RGS7: variants seen among roughly 807,000 people sequenced by gnomAD.
The protein encoded by RGS7 is regulator of G protein signaling 7.
Under a neutral mutation model 81.1 loss-of-function variants are expected in RGS7, and 27 were observed. The ratio of observed to expected loss-of-function variants is 0.33; its 90% CI spans 0.25 to 0.46. RGS7 has a LOEUF of 0.46. Among genes scored for constraint, RGS7 ranks in the 20% least tolerant of loss-of-function variants. RGS7 has a pLI of 1.00. For missense variants in RGS7, 396 were observed against 607.4 expected (o/e 0.65, Z 3.66); for synonymous variants, 208 against 207.7 (o/e 1.00, Z -0.01).
chr1:241,012,054 G>A (rs1412655532), intron 3 of RGS7, among the ~76,000 whole-genome samples: 1 of 151,994 alleles, frequency 6.6e-6, no homozygotes, highest in Non-Finnish European at 1.5e-5. Flanking sequence ...CCTTTCTTGG[G>A]GTCTGGACTG....
At chr1:240,900,291 A>G (rs963327206) in intron 6 of RGS7, among the ~76,000 whole-genome samples, 4 of 151,952 alleles carry the variant, frequency 2.6e-5, no homozygotes, top group South Asian at 2.1e-4. Context: ...TCTTCTCCCA[A>G]CTCCTCAAAG....
intron 4 of RGS7, 130 bp downstream of exon 4, chr1:240,982,949 G>T: frequency 1.7e-6 from 1 of 603,230 alleles, no homozygotes. Flanking sequence ...AATGTTAAAA[G>T]CACAGTTCAA....
intron 6 of RGS7, among the ~76,000 whole-genome samples, chr1:240,898,415 C>A (rs928951209): frequency 6.6e-6 from 1 of 152,142 alleles, no homozygotes; most frequent in African/African-American, 2.4e-5. Flanking sequence ...CTCTTGTGGT[C>A]ATTTAGTGGT....
At chr1:241,079,625 A>T (rs570340216) in intron 3 of RGS7, among the ~76,000 whole-genome samples, 5 of 152,266 alleles carry the variant, frequency 3.3e-5, no homozygotes, top group South Asian at 4.2e-4. Context: ...TTATGATTAA[A>T]CAGAAAGAGG....
chr1:241,038,816 A>C (rs1218097326), intron 3 of RGS7, among the ~76,000 whole-genome samples: 2 of 152,110 alleles, frequency 1.3e-5, no homozygotes, highest in Non-Finnish European at 2.9e-5. Flanking sequence ...GTTTCTACAA[A>C]AATAAAAAAT....
intron 3 of RGS7, among the ~76,000 whole-genome samples, chr1:241,030,385 T>TATATATATATATATATAC (rs1282576318): frequency 1.5e-5 from 2 of 136,248 alleles, no homozygotes; most frequent in Admixed American, 7.3e-5. Flanking sequence ...CATACACACA[T>TATATATATATATATATAC]ACATACACAC....
At chr1:241,346,452 A>G (rs1042334077) in intron 2 of RGS7, among the ~76,000 whole-genome samples, 1 of 152,198 alleles carries the variant, frequency 6.6e-6, no homozygotes, top group African/African-American at 2.4e-5. Flanking sequence ...CCATTCACTC[A>G]TTTATCTAGA....
At chr1:241,029,430 G>C (rs79235903) in intron 3 of RGS7, among the ~76,000 whole-genome samples, 2 of 152,296 alleles carry the variant, frequency 1.3e-5, no homozygotes, top group East Asian at 3.9e-4. Context: ...CATGGTTATA[G>C]ATGAATTTGG....
chr1:241,193,382 G>A (rs188280083), intron 2 of RGS7, among the ~76,000 whole-genome samples: 7 of 152,312 alleles, frequency 4.6e-5, no homozygotes, highest in Non-Finnish European at 1.0e-4. Flanking sequence ...ACCACATGGA[G>A]TTGGTCCCCG....
chr1:241,180,354 A>G (rs1460932489), intron 2 of RGS7, among the ~76,000 whole-genome samples: 1 of 152,098 alleles, frequency 6.6e-6, no homozygotes, highest in Non-Finnish European at 1.5e-5. Flanking sequence ...CAGCCTGGGC[A>G]ACAGAGCGAG....
intron 7 of RGS7, among the ~76,000 whole-genome samples, chr1:240,869,765 C>A (rs143460910): frequency 6.6e-6 from 1 of 151,884 alleles, no homozygotes; most frequent in African/African-American, 2.4e-5. Context: ...CATGACGAAA[C>A]CCAGTCTCTA....
chr1:240,965,753 C>T (rs2148489717), intron 4 of RGS7, among the ~76,000 whole-genome samples: 1 of 152,300 alleles, frequency 6.6e-6, no homozygotes, highest in African/African-American at 2.4e-5. Flanking sequence ...CTCCTGTTGG[C>T]TCTAAGCTGG....
intron 3 of RGS7, among the ~76,000 whole-genome samples, chr1:241,000,461 C>T (rs1687960441): frequency 6.6e-6 from 1 of 152,040 alleles, no homozygotes; most frequent in South Asian, 2.1e-4. Flanking sequence ...GTATAAAACT[C>T]AAAACATCTG....
chr1:240,794,490 G>A (rs188748920), intron 18 of RGS7, among the ~76,000 whole-genome samples: 1 of 152,190 alleles, frequency 6.6e-6, no homozygotes, highest in Non-Finnish European at 1.5e-5. Context: ...TTATTTATGG[G>A]GAACAAATCC....
chr1:240,969,515 T>G (rs1462336728), intron 4 of RGS7, among the ~76,000 whole-genome samples: 6 of 152,266 alleles, frequency 3.9e-5, no homozygotes, highest in Admixed American at 3.9e-4. Flanking sequence ...GGCCTCATTA[T>G]GTTTGTTCAA....
intron 3 of RGS7, among the ~76,000 whole-genome samples, chr1:241,060,976 G>C (rs1299988086): frequency 2.0e-5 from 3 of 152,216 alleles, no homozygotes; most frequent in African/African-American, 7.2e-5. Context: ...TGGGTCACCT[G>C]CCCCTCAGGC....
chr1:241,314,249 G>A (rs2080731516), intron 2 of RGS7, among the ~76,000 whole-genome samples: 1 of 152,180 alleles, frequency 6.6e-6, no homozygotes, highest in Non-Finnish European at 1.5e-5. Context: ...GTCAATCAAT[G>A]CGGCTCACTT....
chr1:241,079,025 GT>G (rs2062985637), intron 3 of RGS7, among the ~76,000 whole-genome samples: 1 of 152,172 alleles, frequency 6.6e-6, no homozygotes, highest in South Asian at 2.1e-4. Context: ...AATGGAGAGT[GT>G]TTGGGGGGCT....
intron 2 of RGS7, among the ~76,000 whole-genome samples, chr1:241,352,850 A>T (rs1186396624): frequency 6.6e-6 from 1 of 152,240 alleles, no homozygotes; most frequent in Non-Finnish European, 1.5e-5. Context: ...TACACATCCC[A>T]GCTTTTCTGT....
Sources: gnomAD v4.1 joint callset for allele counts (sites outside exome capture counted in the v4.1 genomes callset) on GRCh38, gnomAD v4.1.1 for gene constraint, MANE v1.5 for transcripts, NCBI Gene and HGNC (gene_info 2026-07-23, HGNC 2026-07-21) for gene names.